GRIA2: variants seen among roughly 807,000 people sequenced by gnomAD.
The protein encoded by GRIA2 is glutamate ionotropic receptor AMPA type subunit 2, also known as glutamate receptor 2.
GRIA2 carries 14 observed loss-of-function variants against 97.3 expected under a neutral mutation model. The observed-to-expected ratio is 0.14, with a 90% CI of 0.10 to 0.23. The LOEUF is 0.23. Among genes scored for constraint, GRIA2 ranks in the 10% least tolerant of loss-of-function variants. The pLI is 1.00. For missense variants in GRIA2, 558 were observed against 1,069.8 expected (o/e 0.52, Z 6.67); for synonymous variants, 412 against 387.8 (o/e 1.06, Z -0.73).
chr4:157,305,983 A>G (rs996778968), intron 3 of GRIA2, among the ~76,000 whole-genome samples: 6 of 152,160 alleles, frequency 3.9e-5, no homozygotes, highest in African/African-American at 1.4e-4. Flanking sequence ...AGATAATGCT[A>G]GAAAGAGAGT....
At chr4:157,273,564 G>T (rs572070633) in intron 2 of GRIA2, among the ~76,000 whole-genome samples, 1 of 152,046 alleles carries the variant, frequency 6.6e-6, no homozygotes, top group African/African-American at 2.4e-5. Context: ...AATACTAGAG[G>T]TCAAAAACAC....
chr4:157,242,853 A>G (rs1033312011), intron 2 of GRIA2, among the ~76,000 whole-genome samples: 19 of 152,114 alleles, frequency 1.2e-4, no homozygotes, highest in Admixed American at 5.3e-4. Flanking sequence ...CATGGCCAAC[A>G]GTACTATAAT....
chr4:157,325,207 T>C (rs990684803), intron 6 of GRIA2, among the ~76,000 whole-genome samples: 9 of 152,196 alleles, frequency 5.9e-5, no homozygotes, highest in African/African-American at 2.2e-4. Flanking sequence ...TTAAAATAAA[T>C]TTTATTCAGT....
chr4:157,360,172 A>G, intron 13 of GRIA2, 29 bp downstream of exon 13: 6 of 1,602,486 alleles, frequency 3.7e-6, no homozygotes, highest in South Asian at 1.1e-5. Flanking sequence ...CAATATGCTA[A>G]ATGTTGTTAT....
chr4:157,223,268 G>T (rs942947194), intron 2 of GRIA2, among the ~76,000 whole-genome samples: 7 of 152,156 alleles, frequency 4.6e-5, no homozygotes, highest in Non-Finnish European at 1.0e-4. Flanking sequence ...TAGAATAGGG[G>T]CATTGTGTGG....
chr4:157,335,198 G>A, intron 9 of GRIA2: 1 of 186,546 alleles, frequency 5.4e-6, no homozygotes, highest in African/African-American at 2.4e-5. Flanking sequence ...CTGTCAGTTT[G>A]TGTATCACTG....
At chr4:157,258,992 C>T (rs987528391) in intron 2 of GRIA2, among the ~76,000 whole-genome samples, 1 of 151,970 alleles carries the variant, frequency 6.6e-6, no homozygotes, top group Non-Finnish European at 1.5e-5. Flanking sequence ...CAAGACAGGA[C>T]AGGATGATTG....
intron 2 of GRIA2, among the ~76,000 whole-genome samples, chr4:157,296,236 A>G (rs57879951): frequency 1.1e-3 from 162 of 152,272 alleles, no homozygotes; most frequent in African/African-American, 3.9e-3. Flanking sequence ...AATTAACTAC[A>G]TTTCATAGGT....
intron 5 of GRIA2, among the ~76,000 whole-genome samples, chr4:157,320,205 C>G (rs1273828524): frequency 1.3e-5 from 2 of 151,914 alleles, no homozygotes; most frequent in Non-Finnish European, 2.9e-5. Context: ...AAAGAAAATG[C>G]AATTCTAGTA....
intron 4 of GRIA2, among the ~76,000 whole-genome samples, chr4:157,316,242 C>T (rs551260161): frequency 4.6e-5 from 7 of 152,262 alleles, no homozygotes; most frequent in East Asian, 1.9e-4. Flanking sequence ...GTTTTTCATT[C>T]AGAAGGACAT....
Position 157,346,469 on chromosome 4 carries a change from G to A in GRIA2, c.2043+5007G>A, listed in dbSNP as rs142632269. ...CCTATTCCTAGGAAGGCAGAAATAT[G>A]TATGTCTATGATACATATGTATATA... On this transcript the variant is annotated intron_variant, in intron 12 of 15. Coordinates refer to ENST00000264426, the MANE Select transcript of GRIA2 (RefSeq NM_001083619.3). 1.9e-3 allele frequency among the ~76,000 whole-genome samples: 284 copies of A among 152,088 alleles called. 2 individuals carry two copies. The highest frequency in any genetic ancestry group is 6.4e-3 in the African/African-American group (264 of 41,510).
At chr4:157,266,647 G>A (rs965851972) in intron 2 of GRIA2, among the ~76,000 whole-genome samples, 26 of 152,094 alleles carry the variant, frequency 1.7e-4, no homozygotes, top group Non-Finnish European at 3.8e-4. Context: ...TGGGGATCAG[G>A]TGTGGGCCAT....
In GRIA2 at chr4:157,362,857, G is replaced by T; in HGVS notation, c.2465G>T (p.Gly822Val). 1 of 1,613,390 alleles carries T rather than the reference G, an allele frequency of 6.2e-7. No individual in the cohort carries two copies. The part of the protein sequence containing the change: ...NVAGVFYILV[G>V]GLGLAMLVAL... The stretch of plus-strand genomic sequence containing the variant: ...GCTGGAGTATTCTACATCCTTGTCG[G>T]GGGCCTTGGTTTGGCAATGCTGGTG... Residue 822 changes from glycine (G) to valine (V), a missense_variant, in exon 15 of 16, where the codon GGG becomes GTG. Gly to Val is a moderately radical substitution (Grantham distance 109). Coordinates refer to ENST00000264426, the MANE Select transcript of GRIA2 (RefSeq NM_001083619.3).
At chr4:157,267,181 T>A (rs1370856103) in intron 2 of GRIA2, among the ~76,000 whole-genome samples, 1 of 151,956 alleles carries the variant, frequency 6.6e-6, no homozygotes. Context: ...ATCCCAGCAC[T>A]TTGGGAGGCT....
intron 2 of GRIA2, among the ~76,000 whole-genome samples, chr4:157,258,632 C>A (rs956660664): frequency 4.6e-5 from 7 of 152,074 alleles, no homozygotes; most frequent in African/African-American, 1.7e-4. Context: ...AGCATGTGAT[C>A]TCTGTGACCC....
At chr4:157,290,924 A>G (rs1733068341) in intron 2 of GRIA2, among the ~76,000 whole-genome samples, 1 of 151,866 alleles carries the variant, frequency 6.6e-6, no homozygotes, top group Non-Finnish European at 1.5e-5. Context: ...ACACCTTAAA[A>G]TGGACAAATC....
At chr4:157,309,322 G>A (rs1733971350) in intron 3 of GRIA2, among the ~76,000 whole-genome samples, 1 of 149,952 alleles carries the variant, frequency 6.7e-6, no homozygotes, top group Non-Finnish European at 1.5e-5. Flanking sequence ...TAGAACAAAT[G>A]AGTTTGAAAG....
intron 2 of GRIA2, among the ~76,000 whole-genome samples, chr4:157,230,498 C>G (rs1335977206): frequency 1.3e-5 from 2 of 151,280 alleles, no homozygotes; most frequent in East Asian, 3.9e-4. Context: ...TTAATTCATT[C>G]CTTCCTTCCT....
At chr4:157,241,367 TCA>T (rs1730503263) in intron 2 of GRIA2, among the ~76,000 whole-genome samples, 1 of 152,156 alleles carries the variant, frequency 6.6e-6, no homozygotes, top group Non-Finnish European at 1.5e-5. Context: ...ACCTAAAAAT[TCA>T]CAGTGATGTA....
Sources: gnomAD v4.1 joint callset for allele counts (sites outside exome capture counted in the v4.1 genomes callset) on GRCh38, gnomAD v4.1.1 for gene constraint, MANE v1.5 for transcripts, NCBI Gene and HGNC (gene_info 2026-07-23, HGNC 2026-07-21) for gene names.